The following AK8 variants were observed in gnomAD, a reference collection of about 807,000 sequenced individuals.
The protein encoded by AK8 is ATP-AMP transphosphorylase 8.
In AK8, 44 loss-of-function variants were observed where a neutral mutation model predicts 54.6. The observed-to-expected ratio is 0.81, with a 90% CI of 0.63 to 1.04. AK8 has a LOEUF of 1.04. Ranked by LOEUF, AK8 falls within the 50% of genes least tolerant of loss-of-function variation. The pLI is 0.00. For synonymous variants in AK8, 239 were observed against 245.6 expected, an observed-to-expected ratio of 0.97 and a Z score of 0.25; for missense variants, 555 against 613.6, an observed-to-expected ratio of 0.90 and a Z score of 1.01.
intron 11 of AK8, among the ~76,000 whole-genome samples, chr9:132,765,292 C>CAAAAAAAAAAAAAAAAAAAAAAAAAA (rs61495439): frequency 3.2e-5 from 2 of 62,806 alleles, no homozygotes; most frequent in African/African-American, 1.3e-4. Context: ...GACTCCATTT[C>CAAAAAAAAAAAAAAAAAAAAAAAAAA]AAAAAAAAAA....
chr9:132,785,310 T>G (rs1416826854), intron 11 of AK8, among the ~76,000 whole-genome samples: 3 of 152,018 alleles, frequency 2.0e-5, no homozygotes, highest in African/African-American at 7.2e-5. Context: ...CACCATATTG[T>G]CCAGGCAGGT....
chr9:132,823,924 T>C (rs1345322369), intron 8 of AK8, among the ~76,000 whole-genome samples: 2 of 152,354 alleles, frequency 1.3e-5, no homozygotes, highest in East Asian at 1.9e-4. Context: ...ACCAACTTTG[T>C]TGCGACTCTC....
intron 11 of AK8, among the ~76,000 whole-genome samples, chr9:132,738,797 C>A (rs926810123): frequency 2.6e-5 from 4 of 151,412 alleles, no homozygotes; most frequent in Admixed American, 1.3e-4. Context: ...TCTGCCCCCC[C>A]AGGCTGGAGT....
rs1401205757 is a variant in AK8, at chr9:132,772,361, AG to A, written c.1121+20272del. Among the ~76,000 whole-genome samples the A allele has an allele frequency of 2.0e-5, 3 of 152,344 alleles. No homozygotes were observed. In the East Asian group the frequency reaches 5.8e-4, roughly 29 times the overall value. ...TCAGAAGGTGACTGTATTTGAACAC[AG>A]GGCCTTTAAAGAGGTGGTTAAGTTA... is the stretch of plus-strand genomic sequence containing the variant. On this transcript the variant is annotated intron_variant, in intron 11 of 12. Coordinates refer to ENST00000298545, the MANE Select transcript of AK8 (RefSeq NM_152572.3).
rs1389255929 is a variant in AK8 at position 132,791,595 on chromosome 9, T to C, written c.1121+1039A>G. On this transcript the variant is annotated intron_variant, in intron 11 of 12. Transcript: ENST00000298545. This position sits in a 1 kb window ranked among gnomAD's most constrained non-coding sequence, Gnocchi z 4.0. ...TGCATTGACTATTGAAATACAGATATGACAAAAGTAAAGTAGTTAAACAGA... is the reference window on the plus strand; with the variant it reads ...TGCATTGACTATTGAAATACAGATACGACAAAAGTAAAGTAGTTAAACAGA... 1.3e-5 allele frequency among the ~76,000 whole-genome samples: 2 copies of C among 152,078 alleles called. No individual in the cohort carries two copies. The highest frequency in any genetic ancestry group is 1.3e-4 in the Admixed American group (2 of 15,278).
At chr9:132,751,738 G>A (rs899896152) in intron 11 of AK8, among the ~76,000 whole-genome samples, 3 of 151,906 alleles carry the variant, frequency 2.0e-5, no homozygotes, top group Non-Finnish European at 2.9e-5. Flanking sequence ...GTGAGGCTGG[G>A]GACAGTGTTT....
intron 10 of AK8, among the ~76,000 whole-genome samples, chr9:132,800,293 T>C (rs148881501): frequency 0.013 from 1,994 of 152,306 alleles, 42 homozygotes; most frequent in African/African-American, 0.042. Context: ...CAGGTGTTTC[T>C]GTTGGTGATG....
chr9:132,779,795 C>A (rs967924445), intron 11 of AK8, among the ~76,000 whole-genome samples: 1 of 152,168 alleles, frequency 6.6e-6, no homozygotes, highest in South Asian at 2.1e-4. Context: ...AAATGCAATC[C>A]CATTGCATAA....
intron 10 of AK8, among the ~76,000 whole-genome samples, chr9:132,812,319 C>T (rs1157543434): frequency 1.3e-5 from 2 of 150,728 alleles, no homozygotes; most frequent in African/African-American, 2.4e-5. Context: ...CAACCTCTGC[C>T]TCCCCGGTTC....
intron 10 of AK8, among the ~76,000 whole-genome samples, chr9:132,805,099 G>A (rs976387123): frequency 3.9e-5 from 6 of 152,318 alleles, no homozygotes; most frequent in South Asian, 2.1e-4. Flanking sequence ...AAGAAGGCCC[G>A]GGGCCTCCAG....
intron 11 of AK8, among the ~76,000 whole-genome samples, chr9:132,737,755 A>T (rs1837187677): frequency 6.6e-6 from 1 of 152,252 alleles, no homozygotes; most frequent in African/African-American, 2.4e-5. Flanking sequence ...TAAAAACTAT[A>T]GTTAAGATCA....
chr9:132,810,432 G>A (rs951152420), intron 10 of AK8, among the ~76,000 whole-genome samples: 1 of 152,188 alleles, frequency 6.6e-6, no homozygotes, highest in African/African-American at 2.4e-5. Context: ...GGACTCTTGG[G>A]TTTGCTTTTA....
chr9:132,818,319 C>G (rs1182201439), intron 9 of AK8, among the ~76,000 whole-genome samples: 1 of 152,148 alleles, frequency 6.6e-6, no homozygotes, highest in South Asian at 2.1e-4. Context: ...GTCTCTCCCC[C>G]CTTATATCTT....
chr9:132,811,329 A>G (rs1840993975), intron 10 of AK8, among the ~76,000 whole-genome samples: 1 of 152,216 alleles, frequency 6.6e-6, no homozygotes, highest in Non-Finnish European at 1.5e-5. Flanking sequence ...AAGGGTCCTT[A>G]TAAGAAGGAG....
At chr9:132,746,989 C>T (rs1473791049) in intron 11 of AK8, among the ~76,000 whole-genome samples, 1 of 152,204 alleles carries the variant, frequency 6.6e-6, no homozygotes, top group Non-Finnish European at 1.5e-5. Flanking sequence ...AAATATTTTA[C>T]AGTTGTTACT....
At chr9:132,741,136 G>A (rs189833310) in intron 11 of AK8, among the ~76,000 whole-genome samples, 56 of 152,298 alleles carry the variant, frequency 3.7e-4, no homozygotes, top group South Asian at 8.3e-4. Context: ...GCCAGGTCAC[G>A]GCACCATCTG....
At chr9:132,825,706 C>T (rs1287482206) in intron 8 of AK8, among the ~76,000 whole-genome samples, 1 of 152,174 alleles carries the variant, frequency 6.6e-6, no homozygotes, top group African/African-American at 2.4e-5. Flanking sequence ...ACCGAGTCTA[C>T]CAGCAGGAGA....
intron 1 of AK8, chr9:132,877,751 A>G: frequency 2.3e-6 from 1 of 439,830 alleles, no homozygotes; most frequent in Admixed American, 2.5e-5. Context: ...TGCCCACCTC[A>G]GAAACCTGGG....
intron 11 of AK8, among the ~76,000 whole-genome samples, chr9:132,785,856 G>A (rs1171948863): frequency 6.6e-6 from 1 of 152,206 alleles, no homozygotes; most frequent in African/African-American, 2.4e-5. Context: ...TTAGGAACAT[G>A]CAAATGTAAC....
Sources: allele counts gnomAD v4.1 joint callset (sites outside exome capture counted in the v4.1 genomes callset), GRCh38; gene constraint gnomAD v4.1.1; non-coding constraint Gnocchi (gnomAD v3.1); transcripts MANE v1.5; gene names NCBI Gene and HGNC (gene_info 2026-07-23, HGNC 2026-07-21).